The following GRIK2 variants were observed in gnomAD, a reference collection of about 807,000 sequenced individuals.
GRIK2 encodes the protein glutamate ionotropic receptor kainate type subunit 2, also known as glutamate receptor ionotropic, kainate 2.
In GRIK2, 32 loss-of-function variants were observed where a neutral mutation model predicts 100.3. The ratio of observed to expected loss-of-function variants is 0.32; its 90% CI spans 0.24 to 0.43. The LOEUF (loss-of-function observed/expected upper bound fraction) is 0.43. Among genes scored for constraint, GRIK2 ranks in the 20% least tolerant of loss-of-function variants. GRIK2 has a pLI of 1.00. For synonymous variants in GRIK2, 417 were observed against 389.4 expected (o/e 1.07, Z -0.83); for missense variants, 843 against 1,114.9 (o/e 0.76, Z 3.47).
chr6:101,925,102 ATCT>A (rs1359810403), intron 13 of GRIK2, among the ~76,000 whole-genome samples: 2 of 152,132 alleles, frequency 1.3e-5, no homozygotes, highest in Non-Finnish European at 2.9e-5. Context: ...TTGATGTAAA[ATCT>A]TCTCTTTCAT....
chr6:101,594,109 CT>C (rs1215642358), intron 2 of GRIK2, among the ~76,000 whole-genome samples: 1 of 151,768 alleles, frequency 6.6e-6, no homozygotes, highest in African/African-American at 2.4e-5. Context: ...TGAGTTATTA[CT>C]TTTCTTAAGA....
intron 2 of GRIK2, among the ~76,000 whole-genome samples, chr6:101,464,480 A>ACCTT (rs1327668270): frequency 2.2e-5 from 2 of 91,264 alleles, no homozygotes; most frequent in African/African-American, 7.8e-5. Context: ...TATAATTTTT[A>ACCTT]CCTTTTCTTT....
chr6:101,423,509 T>C (rs773683971), intron 2 of GRIK2, among the ~76,000 whole-genome samples: 34 of 152,324 alleles, frequency 2.2e-4, no homozygotes, highest in East Asian at 7.7e-4. Context: ...TGAAGTGATA[T>C]CATTCATTGT....
At chr6:101,997,427 T>A (rs1352034176) in intron 14 of GRIK2, among the ~76,000 whole-genome samples, 1 of 152,066 alleles carries the variant, frequency 6.6e-6, no homozygotes, top group African/African-American at 2.4e-5. Flanking sequence ...TTGGTATTTT[T>A]AAATTTTAAA....
intron 2 of GRIK2, among the ~76,000 whole-genome samples, chr6:101,561,095 A>G (rs1319363067): frequency 2.0e-5 from 3 of 152,186 alleles, no homozygotes; most frequent in Admixed American, 2.0e-4. Flanking sequence ...TTTCATATGA[A>G]GTTTCAATAT....
intron 7 of GRIK2, among the ~76,000 whole-genome samples, chr6:101,780,417 A>G (rs997222113): frequency 6.6e-6 from 1 of 152,138 alleles, no homozygotes; most frequent in African/African-American, 2.4e-5. Context: ...CGAAATAATT[A>G]CTTTAACCTT....
chr6:101,874,580 G>C (rs953189553), intron 11 of GRIK2, among the ~76,000 whole-genome samples: 3 of 152,114 alleles, frequency 2.0e-5, no homozygotes, highest in Non-Finnish European at 4.4e-5. Flanking sequence ...GGCAATGCAG[G>C]CTCTTTTTTG....
At chr6:101,507,116 A>T (rs1191573306) in intron 2 of GRIK2, among the ~76,000 whole-genome samples, 1 of 152,070 alleles carries the variant, frequency 6.6e-6, no homozygotes, top group African/African-American at 2.4e-5. Flanking sequence ...AACTGATTTG[A>T]CTATTTTAGG....
chr6:101,536,050 A>C (rs546647063), intron 2 of GRIK2, among the ~76,000 whole-genome samples: 150 of 151,904 alleles, frequency 9.9e-4, no homozygotes, highest in Non-Finnish European at 1.7e-3. Flanking sequence ...ATAATTTCAC[A>C]GTCATCTGAG....
rs201661389 is a variant in GRIK2 at position 101,836,643 on chromosome 6, G to GTATATA, written c.1317+18174_1317+18179dup. Among the ~76,000 whole-genome samples, 5 of 86,396 alleles carry GTATATA rather than the reference G, an allele frequency of 5.8e-5. No individual in the cohort carries two copies. The East Asian group carries it at 8.0e-4, about 14-fold the overall frequency. 56.7% of individuals were successfully genotyped at this position (86,396 alleles called of 152,430 possible). A position where few individuals can be genotyped will look rare whatever the true frequency, so the allele number is the denominator to read the frequency against. ...GTTATATATATATATATATGTATGT[G>GTATATA]TATATATATATATATATATTTTTTT... On this transcript the variant is annotated intron_variant, in intron 10 of 16. Coordinates refer to ENST00000369134, the MANE Select transcript of GRIK2 (RefSeq NM_021956.5).
At chr6:101,543,008 T>C (rs1319865915) in intron 2 of GRIK2, among the ~76,000 whole-genome samples, 1 of 151,976 alleles carries the variant, frequency 6.6e-6, no homozygotes, top group African/African-American at 2.4e-5. Flanking sequence ...AAGGAAAAAA[T>C]TTTGTTGTAT....
intron 14 of GRIK2, chr6:101,993,232 A>G (rs2128492731): frequency 6.6e-6 from 1 of 151,594 alleles, no homozygotes. Context: ...GAAGGAAAGA[A>G]GAACAGAAAC....
intron 14 of GRIK2, among the ~76,000 whole-genome samples, chr6:101,998,883 G>T (rs1794787105): frequency 8.3e-6 from 1 of 120,442 alleles, no homozygotes; most frequent in East Asian, 2.8e-4. Context: ...GCATGATCTT[G>T]GCTCACTGCA....
chr6:101,961,844 A>G (rs947060053), intron 14 of GRIK2, among the ~76,000 whole-genome samples: 4 of 152,090 alleles, frequency 2.6e-5, no homozygotes, highest in African/African-American at 7.2e-5. Context: ...GAATGTCTAT[A>G]AGGGATCTAC....
chr6:101,898,830 TAAA>T (rs1323343307), intron 12 of GRIK2, among the ~76,000 whole-genome samples: 1 of 151,992 alleles, frequency 6.6e-6, no homozygotes, highest in East Asian at 1.9e-4. Flanking sequence ...ATATCAATGT[TAAA>T]TAATAATGTA....
At chr6:101,676,415 A>C (rs1333618971) in intron 4 of GRIK2, among the ~76,000 whole-genome samples, 1 of 152,142 alleles carries the variant, frequency 6.6e-6, no homozygotes, top group Non-Finnish European at 1.5e-5. Flanking sequence ...TGCACCATTA[A>C]ATACACTTAT....
intron 2 of GRIK2, among the ~76,000 whole-genome samples, chr6:101,546,997 A>AT (rs1200304708): frequency 3.3e-5 from 5 of 149,506 alleles, no homozygotes; most frequent in Admixed American, 6.7e-5. Flanking sequence ...CGCCCAGCTA[A>AT]TTTTTTTGTA....
At chr6:102,006,946 T>C (rs895786007) in intron 14 of GRIK2, among the ~76,000 whole-genome samples, 10 of 152,140 alleles carry the variant, frequency 6.6e-5, no homozygotes, top group Admixed American at 6.6e-5. Context: ...ATTAATTTTG[T>C]TGAAGAACTT....
chr6:101,875,724 G>T (rs998897874), intron 11 of GRIK2, among the ~76,000 whole-genome samples: 2 of 151,476 alleles, frequency 1.3e-5, no homozygotes, highest in Non-Finnish European at 2.9e-5. Context: ...TTCTTTAGGG[G>T]TTTTTATGGA....
Sources: allele counts gnomAD v4.1 joint callset (sites outside exome capture counted in the v4.1 genomes callset), GRCh38; gene constraint gnomAD v4.1.1; transcripts MANE v1.5; gene names NCBI Gene and HGNC (gene_info 2026-07-23, HGNC 2026-07-21).